ADAMTS7: variants seen among roughly 807,000 people sequenced by gnomAD.
ADAMTS7 encodes the protein ADAM metallopeptidase with thrombospondin type 1 motif 7.
Under a neutral mutation model 172.6 loss-of-function variants are expected in ADAMTS7, and 89 were observed. That is an observed-to-expected ratio of 0.52 (90% CI 0.43 to 0.61). The LOEUF (loss-of-function observed/expected upper bound fraction) is 0.61, where lower values mean the gene tolerates loss of function less well. ADAMTS7 is among the 20% of genes least tolerant of loss of function. ADAMTS7 has a pLI of 0.00. For missense variants in ADAMTS7, 1,973 were observed against 2,355.6 expected (o/e 0.84, Z 3.36); for synonymous variants, 885 against 978.4 (o/e 0.90, Z 1.78).
At position 78,811,197 on chromosome 15, in the gene ADAMTS7, G is replaced by A. The variant is rs2055861886; in HGVS notation, c.24C>T (p.Arg8=). 2 of 1,229,164 alleles carry A rather than the reference G, an allele frequency of 1.6e-6. No homozygotes were observed. The highest frequency in any genetic ancestry group is 3.1e-5 in the African/African-American group (2 of 64,254). The allele number at this position is 1,229,164 out of a possible 1,614,324, so 76.1% of individuals were successfully genotyped here. A position where few individuals can be genotyped will look rare whatever the true frequency, so the allele number is the denominator to read the frequency against. The change falls in exon 1 of 24, where the codon CGC becomes CGT. Residue 8 remains arginine (R), a synonymous_variant. Coordinates refer to ENST00000388820, the MANE Select transcript of ADAMTS7 (RefSeq NM_014272.5). Reference sequence around the variant, plus strand: ...GGGGGCGCAGCAAAGGCGCGGGGCTGCGGGGACTGGGGCCGCCGGGCATGG... The same window carrying A: ...GGGGGCGCAGCAAAGGCGCGGGGCTACGGGGACTGGGGCCGCCGGGCATGG... MPGGPSP[R]SPAPLLRPLL...
intron 1 of ADAMTS7, among the ~76,000 whole-genome samples, chr15:78,801,419 TTC>T (rs899862705): frequency 2.0e-5 from 3 of 152,288 alleles, no homozygotes; most frequent in East Asian, 3.9e-4. Flanking sequence ...TGGAACACTC[TTC>T]TCTCTGTTTT....
In ADAMTS7 at chr15:78,798,099, C is replaced by G; in HGVS notation, c.471G>C (p.Gln157His). Residue 157 changes from glutamine to histidine, a missense_variant, in exon 3 of 24, where the codon CAG (glutamine) becomes CAC (histidine). By Grantham distance (24) the Gln-to-His change is conservative. Around this residue, in one of 8 missense-constraint regions of ADAMTS7, gnomAD observed 306 missense variants for 288.0 expected, o/e 1.06. Coordinates refer to ENST00000388820, the MANE Select transcript of ADAMTS7 (RefSeq NM_014272.5). ...CAATGAAGTAGTCCTCGTTGGAGAG[C>G]TGGAACACACCTTTCTGGGGAAGAA... is the stretch of plus-strand genomic sequence containing the variant. ...SACDGLKGVF[Q>H]LSNEDYFIEP... The G allele has an allele frequency of 6.4e-7, 1 of 1,555,720 alleles. No homozygotes were observed. Among genetic ancestry groups the G allele is most frequent in the Non-Finnish European group, 8.6e-7 (1 of 1,159,252 alleles).
At chr15:78,774,038 A>G in intron 13 of ADAMTS7, 129 bp downstream of exon 13, 1 of 1,418,236 alleles carries the variant, frequency 7.1e-7, no homozygotes, top group Non-Finnish European at 9.5e-7. Flanking sequence ...ACCAGGAGGG[A>G]CCCAGGAGAG....
At chr15:78,768,356 C>A in intron 16 of ADAMTS7, 97 bp from the exon 17 acceptor site, 2 of 1,543,446 alleles carry the variant, frequency 1.3e-6, no homozygotes, top group Non-Finnish European at 1.8e-6. Flanking sequence ...CAGAACAGCG[C>A]CTTACTGCCC....
intron 4 of ADAMTS7, among the ~76,000 whole-genome samples, chr15:78,793,351 C>A (rs537343894): frequency 7.5e-6 from 1 of 133,758 alleles, no homozygotes; most frequent in African/African-American, 2.5e-5. Context: ...GTCTGTTTTA[C>A]CTTTTTTTTT....
intron 14 of ADAMTS7, 121 bp downstream of exon 14, chr15:78,772,962 C>T (rs2055275398): frequency 7.6e-7 from 1 of 1,323,484 alleles, no homozygotes; most frequent in Non-Finnish European, 1.0e-6. Context: ...CAAGGCTTCC[C>T]TGCTTAGCCA....
At position 78,766,427 on chromosome 15, in the gene ADAMTS7, T is replaced by C. The variant is rs555699666; in HGVS notation, c.3484A>G (p.Thr1162Ala). The C allele has an allele frequency of 1.8e-4, 291 of 1,585,702 alleles. 1 individual carries two copies. Among genetic ancestry groups the C allele is most frequent in the Middle Eastern group, 1.2e-3 (5 of 4,298 alleles). Residue 1162 changes from threonine (T) to alanine (A), a missense_variant, in exon 19 of 24, where the codon ACC (threonine) becomes GCC (alanine). Physicochemically the swap from Thr to Ala is moderately conservative, Grantham distance 58 (BLOSUM62 0). Around this residue, in one of 8 missense-constraint regions of ADAMTS7, gnomAD observed 771 missense variants for 952.6 expected, o/e 0.81. Transcript: ENST00000388820. ...CCAAGATCTGGGGCCCCTATGGGGG[T>C]GTCTTCCTCAGGCAGGAAATTGATC... ...PLINFLPEED[T>A]PIGAPDLGLP...
chr15:78,800,718 G>A (rs893192807), intron 1 of ADAMTS7, among the ~76,000 whole-genome samples, 171 bp from the exon 2 acceptor site: 5 of 152,226 alleles, frequency 3.3e-5, no homozygotes, highest in African/African-American at 9.6e-5. Context: ...CCGTGCCTCA[G>A]TTTCTCCATC....
At chr15:78,774,087 G>A in intron 13 of ADAMTS7, 80 bp downstream of exon 13, 1 of 1,554,490 alleles carries the variant, frequency 6.4e-7, no homozygotes, top group Non-Finnish European at 8.6e-7. Context: ...GATCAGGAGG[G>A]ACCCAGGAGA....
intron 2 of ADAMTS7, 120 bp from the exon 3 acceptor site, chr15:78,798,233 C>G (rs1164991721): frequency 2.1e-6 from 2 of 932,924 alleles, no homozygotes; most frequent in African/African-American, 3.5e-5. Context: ...TGTGACTGCC[C>G]GCGGACACAC....
At chr15:78,770,155 T>A (rs2055222940) in intron 16 of ADAMTS7, among the ~76,000 whole-genome samples, 1 of 151,536 alleles carries the variant, frequency 6.6e-6, no homozygotes, top group Non-Finnish European at 1.5e-5. Context: ...AGAGTGAGAC[T>A]CCATCTCTAA....
chr15:78,759,669 G>A lies in ADAMTS7; in HGVS notation c.4904-91C>T, dbSNP rs111711443. 1,510 of 1,369,502 alleles carry A rather than the reference G, an allele frequency of 1.1e-3. 6 individuals are homozygous for A. Among genetic ancestry groups the A allele is most frequent in the African/African-American group, 1.9e-3 (127 of 66,892 alleles). The allele number at this position is 1,369,502 out of a possible 1,614,324, so 84.8% of individuals were successfully genotyped here. A position where few individuals can be genotyped will look rare whatever the true frequency, so the allele number is the denominator to read the frequency against. ...CGCCAACCACCTTAAGGAGGCTCCAGCAGCTCCCCACCAAGCAGAGAGCCC... is the reference window on the plus strand; with the variant it reads ...CGCCAACCACCTTAAGGAGGCTCCAACAGCTCCCCACCAAGCAGAGAGCCC... On this transcript the variant is annotated intron_variant, in intron 23 of 23. Coordinates refer to ENST00000388820, the MANE Select transcript of ADAMTS7 (RefSeq NM_014272.5).
intron 8 of ADAMTS7, among the ~76,000 whole-genome samples, chr15:78,779,667 C>T (rs1002913281): frequency 6.6e-6 from 1 of 152,114 alleles, no homozygotes; most frequent in Non-Finnish European, 1.5e-5. Context: ...GCCCTGGGCT[C>T]CCTCCTTCCC....
Position 78,811,192 on chromosome 15 carries a change from G to A in ADAMTS7, c.29C>T (p.Pro10Leu). MPGGPSPRS[P>L]APLLRPLLLL... is the part of the protein sequence containing the mutation. ...GAGGAGGGGGCGCAGCAAAGGCGCG[G>A]GGCTGCGGGGACTGGGGCCGCCGGG... The change falls in exon 1 of 24, where the codon CCC becomes CTC. Residue 10 changes from proline to leucine, a missense_variant. Around this residue, in one of 8 missense-constraint regions of ADAMTS7, gnomAD observed 306 missense variants for 288.0 expected, o/e 1.06. Transcript: ENST00000388820. The A allele has an allele frequency of 1.6e-6, 2 of 1,229,504 alleles. No individual in the cohort carries two copies. Among genetic ancestry groups the A allele is most frequent in the Middle Eastern group, 3.1e-4 (1 of 3,192 alleles). The allele number at this position is 1,229,504 out of a possible 1,614,324, so 76.2% of individuals were successfully genotyped here. A position where few individuals can be genotyped will look rare whatever the true frequency, so the allele number is the denominator to read the frequency against.
chr15:78,776,868 C>A (rs554572568), intron 9 of ADAMTS7, 27 bp from the exon 10 acceptor site: 2 of 1,512,060 alleles, frequency 1.3e-6, no homozygotes, highest in East Asian at 2.5e-5. Flanking sequence ...ATGGGCCATA[C>A]CCTCACACCC....
In ADAMTS7 at chr15:78,811,450, G is replaced by A. The variant is rs956850595; in HGVS notation, c.-230C>T. On this transcript the variant is annotated 5_prime_UTR_variant, in exon 1 of 24. Coordinates refer to ENST00000388820, the MANE Select transcript of ADAMTS7 (RefSeq NM_014272.5). ...AGAAAAGACAAGAGAGCTAGAAGGAGAGAAAGAAAGAAAGAAAGAAAGGGA... is the reference window on the plus strand; with the variant it reads ...AGAAAAGACAAGAGAGCTAGAAGGAAAGAAAGAAAGAAAGAAAGAAAGGGA... The A allele has an allele frequency of 2.0e-5, 7 of 358,364 alleles. No individual in the cohort carries two copies. The South Asian group carries it at 7.4e-4, about 38-fold the overall frequency. 22.2% of individuals were successfully genotyped at this position (358,364 alleles called of 1,614,324 possible). A position where few individuals can be genotyped will look rare whatever the true frequency, so the allele number is the denominator to read the frequency against.
intron 17 of ADAMTS7, 57 bp from the exon 18 acceptor site, chr15:78,767,649 C>T (rs1431413759): frequency 8.9e-6 from 13 of 1,463,352 alleles, no homozygotes; most frequent in Admixed American, 2.2e-5. Context: ...CCTGCAGGCT[C>T]ACCAGCAGGG....
chr15:78,770,396 A>C (rs2055226997), intron 16 of ADAMTS7, among the ~76,000 whole-genome samples: 1 of 147,018 alleles, frequency 6.8e-6, no homozygotes, highest in African/African-American at 2.5e-5. Flanking sequence ...ACTGAGGGGA[A>C]AAGGGGAGAA....
rs2055708690 is a variant in ADAMTS7 at position 78,800,457 on chromosome 15, G to A, written c.191C>T (p.Pro64Leu). ...GGSFLSYELW[P>L]RALRKRDVSV... ...TACATCCCGCTTGCGCAGTGCGCGG[G>A]GCCACAGCTCGTAGGACAGGAAGGA... Residue 64 changes from proline (P) to leucine (L), a missense_variant, in exon 2 of 24, where the codon CCC becomes CTC. Physicochemically the swap from Pro to Leu is moderately conservative, Grantham distance 98. Transcript: ENST00000388820. 2 of 1,611,032 alleles carry A rather than the reference G, an allele frequency of 1.2e-6. No individual in the cohort carries two copies. The highest frequency in any genetic ancestry group is 1.1e-5 in the South Asian group (1 of 90,694).
Sources: gnomAD v4.1 joint callset for allele counts (sites outside exome capture counted in the v4.1 genomes callset) on GRCh38, gnomAD v4.1.1 for gene constraint, gnomAD v4.1.1 regional missense constraint, MANE v1.5 for transcripts, NCBI Gene and HGNC (gene_info 2026-07-23, HGNC 2026-07-21) for gene names.